NKD2: variants seen among roughly 807,000 people sequenced by gnomAD.
NKD2 encodes the protein NKD inhibitor of Wnt signaling pathway 2, also known as protein naked cuticle homolog 2.
NKD2 carries 43 observed loss-of-function variants against 34.8 expected under a neutral mutation model. That is an observed-to-expected ratio of 1.24 (90% CI 0.97 to 1.60). The LOEUF is 1.60. Among genes scored for constraint, NKD2 ranks in the 40% most tolerant of loss-of-function variants. NKD2 has a pLI of 0.00. For missense variants in NKD2, 675 were observed against 627.1 expected (o/e 1.08, Z -0.82); for synonymous variants, 278 against 265.1 (o/e 1.05, Z -0.47).
chr5:1,009,224 C>A lies in NKD2; in HGVS notation c.61+10C>A. 4.0e-6 allele frequency: 2 copies of A among 505,336 alleles called. No individual in the cohort carries two copies. The highest frequency in any genetic ancestry group is 3.4e-6 in the Non-Finnish European group (1 of 289,964). 31.3% of individuals were successfully genotyped at this position (505,336 alleles called of 1,614,324 possible). A position where few individuals can be genotyped will look rare whatever the true frequency, so the allele number is the denominator to read the frequency against. Reference sequence around the variant, plus strand: ...AGAGAGAGCCCGGAAGGTGAGCGGGCGAGCCGACGGGCGGGGCGGGGGGCG... The same window carrying A: ...AGAGAGAGCCCGGAAGGTGAGCGGGAGAGCCGACGGGCGGGGCGGGGGGCG... On this transcript the variant is annotated intron_variant, in intron 2 of 9. Transcript: ENST00000296849. The surrounding 1 kb of genome is among the most constrained non-coding windows in gnomAD (Gnocchi z 6.9).
rs1470975477 is a variant in NKD2, at chr5:1,037,541, G to T, written c.788-264G>T. ...GCAGGGTCTCAGCTGTGCGAGAAGA[G>T]AAGCTCCGCTCCCAGGACACACAGT... On this transcript the variant is annotated intron_variant, in intron 9 of 9. Coordinates refer to ENST00000296849, the MANE Select transcript of NKD2 (RefSeq NM_033120.4). 6 of 1,535,786 alleles carry T rather than the reference G, an allele frequency of 3.9e-6. No individual in the cohort carries two copies. In the Admixed American group the frequency reaches 9.8e-5, roughly 25 times the overall value.
Position 1,033,368 on chromosome 5 carries a change from C to CT in NKD2, c.203-3dup. On this transcript the variant is annotated splice_region_variant and splice_polypyrimidine_tract_variant and intron_variant, in intron 4 of 9. Coordinates refer to ENST00000296849, the MANE Select transcript of NKD2 (RefSeq NM_033120.4). ...AGCCCCTTCGCCTCCTCTTGTCCCC[C>CT]TAGTGGCACTCCCCGCTGAGAAAGC... is the stretch of plus-strand genomic sequence containing the variant. 1.9e-6 allele frequency: 3 copies of CT among 1,596,428 alleles called. 1 individual carries two copies. The highest frequency in any genetic ancestry group is 2.7e-5 in the African/African-American group (2 of 74,296).
intron 3 of NKD2, among the ~76,000 whole-genome samples, chr5:1,026,554 C>T (rs1269720866): frequency 1.5e-5 from 1 of 67,172 alleles, no homozygotes; most frequent in Non-Finnish European, 3.9e-5. Flanking sequence ...TGTCCCTGCT[C>T]TTCCCACCCT....
chr5:1,033,298 C>T (rs905226543), intron 4 of NKD2, 74 bp from the exon 5 acceptor site: 8 of 1,386,630 alleles, frequency 5.8e-6, no homozygotes, highest in African/African-American at 1.4e-5. Context: ...GGGAGAGCAG[C>T]GAGGGTCCCC....
chr5:1,035,454 A>C lies in NKD2; in HGVS notation c.640A>C (p.Arg214=), dbSNP rs759257076. ...AGAGGAGCCAAGGGTGGCTGACAGG[A>C]GGTTGTCTGCACACGTCAGGTGAGG... The part of the protein sequence containing the change: ...LAEEPRVADR[R]LSAHVRRPST... Residue 214 remains arginine (R), a synonymous_variant, in exon 8 of 10, where the codon AGG becomes CGG. Coordinates refer to ENST00000296849, the MANE Select transcript of NKD2 (RefSeq NM_033120.4). The C allele has an allele frequency of 1.3e-6, 2 of 1,556,356 alleles. No individual in the cohort carries two copies. Among genetic ancestry groups the C allele is most frequent in the Non-Finnish European group, 1.7e-6 (2 of 1,149,962 alleles).
chr5:1,012,558 G>A (rs1345798339), intron 3 of NKD2, among the ~76,000 whole-genome samples: 1 of 152,244 alleles, frequency 6.6e-6, no homozygotes, highest in Non-Finnish European at 1.5e-5. Flanking sequence ...CTCTGTCCAG[G>A]GCTGAGCTCC....
Position 1,009,200 on chromosome 5 carries a change from G to A in NKD2, c.47G>A (p.Arg16Lys). The A allele has an allele frequency of 1.8e-6, 1 of 562,378 alleles. No individual in the cohort carries two copies. 34.8% of individuals were successfully genotyped at this position (562,378 alleles called of 1,614,324 possible). A position where few individuals can be genotyped will look rare whatever the true frequency, so the allele number is the denominator to read the frequency against. Residue 16 changes from arginine (R) to lysine (K), a missense_variant, in exon 2 of 10, where the codon AGA becomes AAA. Physicochemically the swap from Arg to Lys is conservative, Grantham distance 26. Coordinates refer to ENST00000296849, the MANE Select transcript of NKD2 (RefSeq NM_033120.4). The surrounding 1 kb of genome is among the most constrained non-coding windows in gnomAD (Gnocchi z 6.9). ...SKHAAAARKR[R>K]ESPEGDSFVA... The stretch of plus-strand genomic sequence containing the variant: ...GCAGCCGCCGCCGCCCGCAAGCGGA[G>A]AGAGAGCCCGGAAGGTGAGCGGGCG...
intron 3 of NKD2, among the ~76,000 whole-genome samples, chr5:1,026,978 C>T (rs1165304570): frequency 6.6e-6 from 1 of 152,262 alleles, no homozygotes; most frequent in Non-Finnish European, 1.5e-5. Flanking sequence ...CAGCCTTGGG[C>T]CTGGCAGCCC....
At chr5:1,033,995 CTG>C in intron 5 of NKD2, 1 of 579,912 alleles carries the variant, frequency 1.7e-6, no homozygotes, top group East Asian at 2.9e-5. Context: ...ATAGGTGTCA[CTG>C]TGGGGGAACC....
chr5:1,037,539 G>A (rs1734048630), intron 9 of NKD2: 1 of 1,535,898 alleles, frequency 6.5e-7, no homozygotes, highest in Non-Finnish European at 8.7e-7. Flanking sequence ...TGTGCGAGAA[G>A]AGAAGCTCCG....
chr5:1,034,636 C>G, intron 6 of NKD2, 120 bp from the exon 7 acceptor site: 1 of 1,097,860 alleles, frequency 9.1e-7, no homozygotes, highest in South Asian at 1.5e-5. Flanking sequence ...TTCCTGTGGT[C>G]TGTTGGTGGA....
chr5:1,035,540 CCCGCAGGCCACAGG>C (rs1733859896), intron 8 of NKD2, 67 bp downstream of exon 8: 1 of 1,287,802 alleles, frequency 7.8e-7, no homozygotes, highest in Admixed American at 2.0e-5. Flanking sequence ...ACCCCTGCTT[CCCGCAGGCCACAGG>C]CCACAGGCCA....
intron 9 of NKD2, chr5:1,037,603 C>A (rs1192204157): frequency 6.5e-7 from 1 of 1,535,688 alleles, no homozygotes; most frequent in Non-Finnish European, 8.7e-7. Context: ...TTGCAGGGAG[C>A]TGTGGAGCCA....
At chr5:1,011,954 G>A (rs760581636) in intron 3 of NKD2, among the ~76,000 whole-genome samples, 4 of 152,224 alleles carry the variant, frequency 2.6e-5, no homozygotes, top group Non-Finnish European at 5.9e-5. Context: ...TGACGGTGCC[G>A]TGAAGGTCTG....
At chr5:1,028,306 G>A (rs923644440) in intron 3 of NKD2, among the ~76,000 whole-genome samples, 1 of 152,194 alleles carries the variant, frequency 6.6e-6, no homozygotes, top group South Asian at 2.1e-4. Flanking sequence ...TGAAGCAAAG[G>A]CTACCTGTTG....
intron 9 of NKD2, among the ~76,000 whole-genome samples, chr5:1,037,257 AC>A (rs1463019387): frequency 6.6e-6 from 1 of 152,090 alleles, no homozygotes; most frequent in East Asian, 1.9e-4. Flanking sequence ...CTCTCTCATA[AC>A]CCCGGCTTCA....
intron 3 of NKD2, among the ~76,000 whole-genome samples, chr5:1,020,301 G>A (rs1161479899): frequency 6.6e-6 from 1 of 152,146 alleles, no homozygotes; most frequent in Admixed American, 6.5e-5. Context: ...TATGTATGAT[G>A]TGTTCACATA....
Position 1,009,317 on chromosome 5 carries a change from G to C in NKD2, c.61+103G>C. On this transcript the variant is annotated intron_variant, in intron 2 of 9. Coordinates refer to ENST00000296849, the MANE Select transcript of NKD2 (RefSeq NM_033120.4). This position sits in a 1 kb window ranked among gnomAD's most constrained non-coding sequence, Gnocchi z 6.9. The stretch of plus-strand genomic sequence containing the variant: ...TCCTGCCCTGGAGCCAGCAGTGGGG[G>C]GACGGGGCCGCGGGTCTCCAGGAGC... 1 of 520,382 alleles carries C rather than the reference G, an allele frequency of 1.9e-6. No homozygotes were observed. The highest frequency in any genetic ancestry group is 2.9e-5 in the South Asian group (1 of 34,638). The allele number at this position is 520,382 out of a possible 1,614,324, so 32.2% of individuals were successfully genotyped here.
chr5:1,036,132 T>C, intron 8 of NKD2, 125 bp from the exon 9 acceptor site: 1 of 1,370,166 alleles, frequency 7.3e-7, no homozygotes, highest in Non-Finnish European at 9.4e-7. Context: ...CTTCCTGCTC[T>C]GCGAGGAGGT....
Sources: allele counts gnomAD v4.1 joint callset (sites outside exome capture counted in the v4.1 genomes callset), GRCh38; gene constraint gnomAD v4.1.1; non-coding constraint Gnocchi (gnomAD v3.1); transcripts MANE v1.5; gene names NCBI Gene and HGNC (gene_info 2026-07-23, HGNC 2026-07-21).